MMS22L: variants seen among roughly 807,000 people sequenced by gnomAD.
The protein encoded by MMS22L is MMS22 like, DNA repair protein, also known as protein MMS22-like.
Under a neutral mutation model 159.1 loss-of-function variants are expected in MMS22L, and 74 were observed. The observed-to-expected ratio is 0.47, with a 90% CI of 0.39 to 0.56. The LOEUF is 0.56. Among genes scored for constraint, MMS22L ranks in the 20% least tolerant of loss-of-function variants. MMS22L has a pLI of 0.00. For missense variants in MMS22L, 1,351 were observed against 1,422.1 expected (o/e 0.95, Z 0.80); for synonymous variants, 517 against 506.9 (o/e 1.02, Z -0.27).
chr6:97,212,833 T>C (rs1808536815), intron 14 of MMS22L, among the ~76,000 whole-genome samples: 1 of 152,202 alleles, frequency 6.6e-6, no homozygotes, highest in African/African-American at 2.4e-5. Flanking sequence ...AATGGATATA[T>C]TAATGACCCA....
At chr6:97,249,989 T>C (rs1813075731) in intron 10 of MMS22L, among the ~76,000 whole-genome samples, 1 of 152,140 alleles carries the variant, frequency 6.6e-6, no homozygotes, top group African/African-American at 2.4e-5. Context: ...TATAAATCAG[T>C]TTTGTGGCTA....
At chr6:97,274,504 G>C (rs79114679) in intron 4 of MMS22L, among the ~76,000 whole-genome samples, 206 of 152,220 alleles carry the variant, frequency 1.4e-3, no homozygotes, top group African/African-American at 4.7e-3. Flanking sequence ...CGTCAAGCAA[G>C]TTTTCAGGCT....
At chr6:97,251,152 A>G (rs938776526) in intron 10 of MMS22L, among the ~76,000 whole-genome samples, 14 of 152,192 alleles carry the variant, frequency 9.2e-5, no homozygotes, top group Non-Finnish European at 1.6e-4. Flanking sequence ...ATGAATAGAT[A>G]ATAAGGTATA....
intron 13 of MMS22L, chr6:97,230,940 C>G (rs761999921): frequency 1.3e-5 from 2 of 157,646 alleles, no homozygotes; most frequent in African/African-American, 4.8e-5. Flanking sequence ...GTGTACTGCA[C>G]AAAGAAGGCT....
chr6:97,207,331 G>A (rs1231050248), intron 14 of MMS22L, among the ~76,000 whole-genome samples: 1 of 152,140 alleles, frequency 6.6e-6, no homozygotes, highest in Non-Finnish European at 1.5e-5. Flanking sequence ...AATTGTGTTT[G>A]TATATGAAAT....
intron 18 of MMS22L, among the ~76,000 whole-genome samples, 157 bp downstream of exon 18, chr6:97,178,286 C>T (rs979710445): frequency 3.3e-5 from 5 of 152,006 alleles, no homozygotes; most frequent in African/African-American, 1.2e-4. Context: ...CTTAGATTCA[C>T]ATTTTTCTTC....
At position 97,142,537 on chromosome 6, in the gene MMS22L, T is replaced by C. The variant is rs1354772413; in HGVS notation, c.*4269A>G. On this transcript the variant is annotated 3_prime_UTR_variant, in exon 25 of 25. Transcript: ENST00000683635. Reference sequence around the variant, plus strand: ...CTAAGAGGGGTAGGTAAAAGATCAGTTTTTTGGAAAATAAAAGATTTATAT... The same window carrying C: ...CTAAGAGGGGTAGGTAAAAGATCAGCTTTTTGGAAAATAAAAGATTTATAT... 2.0e-5 allele frequency: 3 copies of C among 152,208 alleles called. No homozygotes were observed. Among genetic ancestry groups the C allele is most frequent in the Non-Finnish European group, 4.4e-5 (3 of 67,910 alleles). The allele number at this position is 152,208 out of a possible 1,614,324, so 9.4% of individuals were successfully genotyped here. A position where few individuals can be genotyped will look rare whatever the true frequency, so the allele number is the denominator to read the frequency against.
At chr6:97,194,854 A>G (rs1159934945) in intron 14 of MMS22L, among the ~76,000 whole-genome samples, 2 of 152,216 alleles carry the variant, frequency 1.3e-5, no homozygotes, top group Non-Finnish European at 2.9e-5. Flanking sequence ...ACAAAGGTAT[A>G]TAAAATCAAA....
At chr6:97,262,509 G>T (rs1304249713) in intron 9 of MMS22L, among the ~76,000 whole-genome samples, 1 of 151,790 alleles carries the variant, frequency 6.6e-6, no homozygotes, top group Non-Finnish European at 1.5e-5. Context: ...GCTGGCCACG[G>T]TGGTGCATGC....
At chr6:97,203,376 T>G (rs1263416883) in intron 14 of MMS22L, among the ~76,000 whole-genome samples, 2 of 152,168 alleles carry the variant, frequency 1.3e-5, no homozygotes, top group Non-Finnish European at 2.9e-5. Context: ...CTAGAGGGTC[T>G]GGCTACACCA....
At chr6:97,231,716 C>G in intron 12 of MMS22L, 64 bp from the exon 13 acceptor site, 1 of 1,175,470 alleles carries the variant, frequency 8.5e-7, no homozygotes, top group African/African-American at 1.6e-5. Flanking sequence ...AAATGGTAAG[C>G]TGCAAATCCC....
Position 97,254,518 on chromosome 6 carries a change from T to C in MMS22L, c.1119+39A>G, listed in dbSNP as rs571854298. ...ATTTGTCCAAATAATTACATATTAA[T>C]TGACAATATAAGAAAGTTTTTAAAA... On this transcript the variant is annotated intron_variant, in intron 10 of 24. Coordinates refer to ENST00000683635, the MANE Select transcript of MMS22L (RefSeq NM_001350599.2). 217 of 1,528,884 alleles carry C rather than the reference T, an allele frequency of 1.4e-4. 2 individuals are homozygous for C. Among genetic ancestry groups the C allele is most frequent in the Middle Eastern group, 1.0e-3 (6 of 5,860 alleles). The allele number at this position is 1,528,884 out of a possible 1,614,324, so 94.7% of individuals were successfully genotyped here. A position where few individuals can be genotyped will look rare whatever the true frequency, so the allele number is the denominator to read the frequency against.
At chr6:97,244,876 G>C (rs993527922) in intron 11 of MMS22L, among the ~76,000 whole-genome samples, 4 of 152,122 alleles carry the variant, frequency 2.6e-5, no homozygotes, top group African/African-American at 9.7e-5. Context: ...GACCACTGTG[G>C]AGTGGGTATG....
In MMS22L at chr6:97,148,007, A is replaced by G. The variant is rs142851328; in HGVS notation, c.3651-1120T>C. ...AGATAAACAGACACACATGCATATG[A>G]TTATAGTCATGCACTACATTAAAAA... is the stretch of plus-strand genomic sequence containing the variant. On this transcript the variant is annotated intron_variant, in intron 24 of 24. Coordinates refer to ENST00000683635, the MANE Select transcript of MMS22L (RefSeq NM_001350599.2). 6.0e-3 allele frequency among the ~76,000 whole-genome samples: 915 copies of G among 152,332 alleles called. 10 individuals are homozygous for G. Among genetic ancestry groups the G allele is most frequent in the African/African-American group, 0.02 (845 of 41,572 alleles).
intron 14 of MMS22L, among the ~76,000 whole-genome samples, chr6:97,202,729 A>G (rs1807311080): frequency 6.6e-6 from 1 of 152,186 alleles, no homozygotes; most frequent in African/African-American, 2.4e-5. Flanking sequence ...TTTGTTCAAG[A>G]TTTAACTGTA....
chr6:97,198,184 G>T (rs890335621), intron 14 of MMS22L, among the ~76,000 whole-genome samples: 1 of 152,146 alleles, frequency 6.6e-6, no homozygotes, highest in African/African-American at 2.4e-5. Context: ...AGAATACCCT[G>T]TTCGAGAGGC....
chr6:97,156,978 C>T (rs1321574743), intron 22 of MMS22L, among the ~76,000 whole-genome samples: 1 of 148,192 alleles, frequency 6.7e-6, no homozygotes, highest in East Asian at 1.9e-4. Flanking sequence ...TTGTTTGTGT[C>T]CTCTTTTATT....
chr6:97,180,949 G>A (rs115695409), intron 16 of MMS22L, among the ~76,000 whole-genome samples: 1,539 of 152,132 alleles, frequency 0.01, 25 homozygotes, highest in African/African-American at 0.035. Context: ...CAAAAACTAC[G>A]TTAAGATGAG....
chr6:97,242,146 T>A (rs938544327), intron 11 of MMS22L, among the ~76,000 whole-genome samples: 1 of 152,200 alleles, frequency 6.6e-6, no homozygotes, highest in Non-Finnish European at 1.5e-5. Context: ...AATCCATTGT[T>A]TCTTTGTTGG....
Sources: gnomAD v4.1 joint callset for allele counts (sites outside exome capture counted in the v4.1 genomes callset) on GRCh38, gnomAD v4.1.1 for gene constraint, MANE v1.5 for transcripts, NCBI Gene and HGNC (gene_info 2026-07-23, HGNC 2026-07-21) for gene names.